Variants in ZBTB20 observed in about 807,000 individuals in gnomAD.
The protein encoded by ZBTB20 is zinc finger and BTB domain-containing protein 20.
In ZBTB20, 9 loss-of-function variants were observed where a neutral mutation model predicts 56.9. The ratio of observed to expected loss-of-function variants is 0.16; its 90% CI spans 0.10 to 0.28. The LOEUF (loss-of-function observed/expected upper bound fraction) is 0.28. ZBTB20 is among the 10% of genes least tolerant of loss of function. ZBTB20 has a pLI of 1.00. For synonymous variants in ZBTB20, 417 were observed against 420.7 expected (o/e 0.99, Z 0.11); for missense variants, 655 against 1,003.0 (o/e 0.65, Z 4.69).
intron 2 of ZBTB20, among the ~76,000 whole-genome samples, chr3:115,046,305 CTTT>C (rs1394386867): frequency 6.6e-6 from 1 of 152,022 alleles, no homozygotes; most frequent in Non-Finnish European, 1.5e-5. Flanking sequence ...CTTAATCCAT[CTTT>C]TGACAGCACT....
At chr3:114,734,408 G>A (rs1274224) in intron 5 of ZBTB20, among the ~76,000 whole-genome samples, 18,134 of 151,900 alleles carry the variant, frequency 0.12, 1,331 homozygotes, top group African/African-American at 0.21. Flanking sequence ...GTTACAATAT[G>A]CAACTACTTA....
chr3:114,692,892 C>T (rs922301068), intron 6 of ZBTB20, among the ~76,000 whole-genome samples: 1 of 152,138 alleles, frequency 6.6e-6, no homozygotes, highest in Non-Finnish European at 1.5e-5. Context: ...GGTCCTCTTA[C>T]TTAACTGGTA....
intron 6 of ZBTB20, among the ~76,000 whole-genome samples, chr3:114,604,199 A>G (rs1217762576): frequency 6.6e-6 from 1 of 152,126 alleles, no homozygotes; most frequent in East Asian, 1.9e-4. Context: ...AAACTATAAA[A>G]GAGATTAAGG....
chr3:114,352,250 C>T (rs537031369), intron 10 of ZBTB20, among the ~76,000 whole-genome samples: 3 of 152,178 alleles, frequency 2.0e-5, no homozygotes, highest in Non-Finnish European at 1.5e-5. Flanking sequence ...GAACACTAAA[C>T]CTCCACTTTA....
intron 7 of ZBTB20, among the ~76,000 whole-genome samples, chr3:114,438,428 AAAAAAAC>A (rs2090675362): frequency 7.3e-6 from 1 of 136,630 alleles, no homozygotes; most frequent in African/African-American, 2.8e-5. Context: ...AAAAAAAACA[AAAAAAAC>A]CAAAAAAAAA....
At chr3:114,553,626 T>C (rs944219785) in intron 6 of ZBTB20, among the ~76,000 whole-genome samples, 7 of 152,178 alleles carry the variant, frequency 4.6e-5, no homozygotes, top group African/African-American at 1.4e-4. Flanking sequence ...ATTCCTTCTA[T>C]TGTAGTTTGA....
At chr3:114,994,291 T>C (rs1362032152) in intron 2 of ZBTB20, among the ~76,000 whole-genome samples, 2 of 151,914 alleles carry the variant, frequency 1.3e-5, no homozygotes, top group Non-Finnish European at 1.5e-5. Flanking sequence ...TGATCAATAA[T>C]TGAGAGAAAA....
intron 4 of ZBTB20, among the ~76,000 whole-genome samples, chr3:114,890,091 C>G (rs558426495): frequency 6.6e-6 from 1 of 152,272 alleles, no homozygotes; most frequent in South Asian, 2.1e-4. Flanking sequence ...TCTTCTATTT[C>G]TAAACCCTGT....
intron 6 of ZBTB20, among the ~76,000 whole-genome samples, chr3:114,509,422 TGTGGTGGTGGTG>T (rs199590803): frequency 7.6e-4 from 114 of 150,074 alleles, no homozygotes; most frequent in African/African-American, 1.8e-3. Context: ...TGTGTGTGTG[TGTGGTGGTGGTG>T]GTGGTGGTGG....
intron 7 of ZBTB20, among the ~76,000 whole-genome samples, chr3:114,429,405 C>T (rs2089955321): frequency 6.6e-6 from 1 of 152,090 alleles, no homozygotes; most frequent in African/African-American, 2.4e-5. Context: ...TTCTGGTACC[C>T]CACATCTAAA....
At chr3:114,727,544 G>A (rs2065397757) in intron 5 of ZBTB20, among the ~76,000 whole-genome samples, 1 of 152,148 alleles carries the variant, frequency 6.6e-6, no homozygotes, top group Admixed American at 6.6e-5. Flanking sequence ...CCACTATGTG[G>A]TAACTATACT....
chr3:114,868,701 T>C (rs1416431566), intron 4 of ZBTB20, among the ~76,000 whole-genome samples: 1 of 152,196 alleles, frequency 6.6e-6, no homozygotes, highest in Non-Finnish European at 1.5e-5. Flanking sequence ...GAAAAGGACA[T>C]TCAAAACACT....
intron 1 of ZBTB20, among the ~76,000 whole-genome samples, chr3:115,145,975 G>T (rs1406871651): frequency 6.6e-6 from 1 of 152,160 alleles, no homozygotes; most frequent in Non-Finnish European, 1.5e-5. Flanking sequence ...ACGCAGTGAG[G>T]AAACTTGACT....
intron 1 of ZBTB20, among the ~76,000 whole-genome samples, chr3:115,082,503 T>G (rs1207106348): frequency 6.6e-6 from 1 of 152,070 alleles, no homozygotes; most frequent in Non-Finnish European, 1.5e-5. Context: ...CACACACAGA[T>G]AGTAAACTGC....
chr3:114,455,529 A>G (rs906636486), intron 7 of ZBTB20, among the ~76,000 whole-genome samples: 1 of 152,158 alleles, frequency 6.6e-6, no homozygotes, highest in Admixed American at 6.6e-5. Flanking sequence ...GTGAAAGTTT[A>G]TTAACGATGG....
intron 4 of ZBTB20, among the ~76,000 whole-genome samples, chr3:114,814,952 A>G (rs1423809686): frequency 1.3e-5 from 2 of 152,162 alleles, no homozygotes; most frequent in Non-Finnish European, 2.9e-5. Context: ...GAGATAAGAA[A>G]GGCCCTCTAT....
chr3:114,906,021 A>T (rs1047319680), intron 3 of ZBTB20, among the ~76,000 whole-genome samples: 3 of 151,770 alleles, frequency 2.0e-5, no homozygotes, highest in African/African-American at 7.2e-5. Context: ...GACAGTTTAA[A>T]TTATTGGGGT....
chr3:114,844,864 T>TC (rs1429395906), intron 4 of ZBTB20, among the ~76,000 whole-genome samples: 1 of 149,258 alleles, frequency 6.7e-6, no homozygotes, highest in Non-Finnish European at 1.5e-5. Flanking sequence ...CTTTTTCTTT[T>TC]TTTTTTTTTT....
intron 4 of ZBTB20, among the ~76,000 whole-genome samples, chr3:114,881,473 T>C (rs757951219): frequency 5.5e-4 from 83 of 152,030 alleles, no homozygotes; most frequent in Non-Finnish European, 1.0e-3. Flanking sequence ...ATAAAATTAG[T>C]ATTACCATAT....
Sources: allele counts gnomAD v4.1 joint callset (sites outside exome capture counted in the v4.1 genomes callset), GRCh38; gene constraint gnomAD v4.1.1; transcripts MANE v1.5; gene names NCBI Gene and HGNC (gene_info 2026-07-23, HGNC 2026-07-21).